GRM3: variants seen among roughly 807,000 people sequenced by gnomAD.
The protein encoded by GRM3 is metabotropic glutamate receptor 3.
In GRM3, 26 loss-of-function variants were observed where a neutral mutation model predicts 70.5. That is an observed-to-expected ratio of 0.37 (90% CI 0.27 to 0.51). GRM3 has a LOEUF of 0.51. Among genes scored for constraint, GRM3 ranks in the 20% least tolerant of loss-of-function variants. The pLI is 0.93. For synonymous variants in GRM3, 443 were observed against 434.9 expected, an observed-to-expected ratio of 1.02 and a Z score of -0.23; for missense variants, 859 against 1,123.8, an observed-to-expected ratio of 0.76 and a Z score of 3.37.
chr7:86,757,673 C>A (rs2158785), intron 1 of GRM3, among the ~76,000 whole-genome samples: 46,749 of 151,970 alleles, frequency 0.31, 8,092 homozygotes, highest in African/African-American at 0.47. Context: ...TTAAATAATC[C>A]CTGCCTCCTC....
intron 1 of GRM3, among the ~76,000 whole-genome samples, chr7:86,756,027 G>T (rs1796336965): frequency 6.6e-6 from 1 of 152,088 alleles, no homozygotes; most frequent in African/African-American, 2.4e-5. Context: ...TCCATCTGGT[G>T]TTGTTTCCTC....
chr7:86,811,408 C>G (rs1797906130), intron 3 of GRM3, among the ~76,000 whole-genome samples: 1 of 151,768 alleles, frequency 6.6e-6, no homozygotes, highest in African/African-American at 2.4e-5. Context: ...TTGTTTTTCT[C>G]CATCCTAGGT....
intron 3 of GRM3, among the ~76,000 whole-genome samples, chr7:86,816,836 C>T (rs188262903): frequency 4.6e-5 from 7 of 151,870 alleles, no homozygotes; most frequent in African/African-American, 9.6e-5. Flanking sequence ...GTAAGATTTA[C>T]GAGTCTGTAT....
intron 1 of GRM3, among the ~76,000 whole-genome samples, chr7:86,757,762 G>A (rs753585309): frequency 1.6e-4 from 24 of 151,996 alleles, no homozygotes; most frequent in African/African-American, 4.6e-4. Context: ...GGTAACCATG[G>A]GGTTTCCCTC....
At position 86,676,344 on chromosome 7, in the gene GRM3, G is replaced by A. The variant is rs75233494; in HGVS notation, c.-141+31472G>A. On this transcript the variant is annotated intron_variant, in intron 1 of 5. Transcript: ENST00000361669. ...AGACAAAAAATATCTCAATAAAAGT[G>A]TAAGACTGAATACCATGAAAAACAA... Among the ~76,000 whole-genome samples, 3 of 152,022 alleles carry A rather than the reference G, an allele frequency of 2.0e-5. No homozygotes were observed. The East Asian group carries it at 5.8e-4, about 29-fold the overall frequency.
chr7:86,646,003 GGGT>G (rs1562811276), intron 1 of GRM3, among the ~76,000 whole-genome samples: 51 of 58,972 alleles, frequency 8.6e-4, no homozygotes, highest in African/African-American at 1.7e-3. Context: ...GGGGGTGGGG[GGGT>G]GGGGGGGGGT....
chr7:86,657,861 C>T (rs1029190097), intron 1 of GRM3, among the ~76,000 whole-genome samples: 1 of 152,080 alleles, frequency 6.6e-6, no homozygotes, highest in Admixed American at 6.6e-5. Context: ...CAAAAAAATA[C>T]CAGCCAAAAC....
At chr7:86,802,495 G>A (rs907626566) in intron 3 of GRM3, among the ~76,000 whole-genome samples, 1 of 151,812 alleles carries the variant, frequency 6.6e-6, no homozygotes, top group Non-Finnish European at 1.5e-5. Context: ...TCATAGGAAA[G>A]GCCTCCAACT....
intron 1 of GRM3, among the ~76,000 whole-genome samples, chr7:86,696,896 C>G (rs1484474665): frequency 1.3e-5 from 2 of 152,170 alleles, no homozygotes; most frequent in East Asian, 3.9e-4. Flanking sequence ...GTTGCCCAAG[C>G]CCATTGTCTT....
At chr7:86,694,923 A>G (rs1010823375) in intron 1 of GRM3, among the ~76,000 whole-genome samples, 2 of 152,182 alleles carry the variant, frequency 1.3e-5, no homozygotes, top group African/African-American at 4.8e-5. Context: ...AATTCTTTTC[A>G]GAGCACTTCT....
At chr7:86,773,984 G>A (rs1023128980) in intron 2 of GRM3, among the ~76,000 whole-genome samples, 2 of 152,080 alleles carry the variant, frequency 1.3e-5, no homozygotes, top group Admixed American at 1.3e-4. Context: ...CTATGATGGA[G>A]GTCACGCGAT....
At chr7:86,736,556 G>T (rs919822279) in intron 1 of GRM3, among the ~76,000 whole-genome samples, 1 of 152,140 alleles carries the variant, frequency 6.6e-6, no homozygotes, top group Non-Finnish European at 1.5e-5. Flanking sequence ...TAAGGGAAAC[G>T]TAGCAATTCT....
At chr7:86,684,857 T>G (rs1794526057) in intron 1 of GRM3, among the ~76,000 whole-genome samples, 1 of 152,198 alleles carries the variant, frequency 6.6e-6, no homozygotes, top group Non-Finnish European at 1.5e-5. Flanking sequence ...CATGGGCAAT[T>G]TATTAGACCT....
chr7:86,657,137 T>C (rs1360155887), intron 1 of GRM3, among the ~76,000 whole-genome samples: 2 of 152,186 alleles, frequency 1.3e-5, no homozygotes, highest in African/African-American at 4.8e-5. Context: ...AGTTTAAAAA[T>C]TTAGCTTTAA....
chr7:86,812,066 G>A (rs2116658470), intron 3 of GRM3, among the ~76,000 whole-genome samples: 1 of 151,710 alleles, frequency 6.6e-6, no homozygotes, highest in African/African-American at 2.4e-5. Flanking sequence ...ACCAAATGAG[G>A]GTATGAGCAA....
chr7:86,791,888 G>GT (rs1797428527), intron 3 of GRM3, among the ~76,000 whole-genome samples: 1 of 152,074 alleles, frequency 6.6e-6, no homozygotes, highest in Non-Finnish European at 1.5e-5. Context: ...AATAAATAAA[G>GT]TTTCAAATCA....
chr7:86,687,727 C>T (rs556557825), intron 1 of GRM3, among the ~76,000 whole-genome samples: 2 of 151,564 alleles, frequency 1.3e-5, no homozygotes, highest in East Asian at 1.9e-4. Context: ...TGCATATGGG[C>T]TAGTAAAACA....
chr7:86,746,729 A>G (rs1796114225), intron 1 of GRM3, among the ~76,000 whole-genome samples: 2 of 152,028 alleles, frequency 1.3e-5, no homozygotes, highest in Non-Finnish European at 2.9e-5. Flanking sequence ...CACTTCACTC[A>G]AAAGAAATAT....
intron 1 of GRM3, among the ~76,000 whole-genome samples, chr7:86,688,190 G>A (rs1005823642): frequency 2.6e-5 from 4 of 151,136 alleles, no homozygotes; most frequent in Non-Finnish European, 5.9e-5. Flanking sequence ...AAATAAAATT[G>A]TACCTAAAAA....
Sources: gnomAD v4.1 joint callset for allele counts (sites outside exome capture counted in the v4.1 genomes callset) on GRCh38, gnomAD v4.1.1 for gene constraint, MANE v1.5 for transcripts, NCBI Gene and HGNC (gene_info 2026-07-23, HGNC 2026-07-21) for gene names.